Variants in LRRC36 observed in about 807,000 individuals in gnomAD.
LRRC36 encodes leucine-rich repeat-containing protein 36.
In LRRC36, 62 loss-of-function variants were observed where a neutral mutation model predicts 81.1. The observed-to-expected ratio is 0.76, with a 90% CI of 0.62 to 0.94. The LOEUF (loss-of-function observed/expected upper bound fraction) is 0.94, where lower values mean the gene tolerates loss of function less well. Among genes scored for constraint, LRRC36 ranks in the 40% least tolerant of loss-of-function variants. LRRC36 has a pLI of 0.00. For missense variants in LRRC36, 761 were observed against 881.7 expected (o/e 0.86, Z 1.73); for synonymous variants, 334 against 348.6 (o/e 0.96, Z 0.47).
At chr16:67,382,316 T>G (rs2040142940) in intron 13 of LRRC36, 69 bp downstream of exon 13, 1 of 1,161,476 alleles carries the variant, frequency 8.6e-7, no homozygotes, top group African/African-American at 1.5e-5. Context: ...TTTGTTTTGC[T>G]TGGAAAGTTA....
chr16:67,380,952 A>C (rs1372224180), intron 12 of LRRC36, among the ~76,000 whole-genome samples: 5 of 152,326 alleles, frequency 3.3e-5, no homozygotes, highest in Non-Finnish European at 7.4e-5. Context: ...GGCTGGGCAC[A>C]GTGGCTCACG....
At chr16:67,338,865 ATTTTTTTTTTTTTTTTTTTTT>A (rs71145967) in intron 1 of LRRC36, among the ~76,000 whole-genome samples, 24 of 45,404 alleles carry the variant, frequency 5.3e-4, no homozygotes, top group Admixed American at 9.8e-4. Context: ...TGGAAGCTGA[ATTTTTTTTTTTTTTTTTTTTT>A]TTTTTTTTTT....
chr16:67,377,728 G>A (rs951476769), intron 11 of LRRC36, among the ~76,000 whole-genome samples: 20 of 150,498 alleles, frequency 1.3e-4, no homozygotes, highest in African/African-American at 4.2e-4. Flanking sequence ...TCCGCCTCCC[G>A]GGTTCAAGCG....
chr16:67,338,386 G>T (rs1244806527), intron 1 of LRRC36, among the ~76,000 whole-genome samples: 3 of 152,054 alleles, frequency 2.0e-5, no homozygotes, highest in South Asian at 2.1e-4. Context: ...AATTTGTTAT[G>T]ATATATTGTT....
chr16:67,352,748 G>C (rs1359135106), intron 5 of LRRC36, among the ~76,000 whole-genome samples: 1 of 151,700 alleles, frequency 6.6e-6, no homozygotes, highest in Non-Finnish European at 1.5e-5. Flanking sequence ...TGCAAACTCA[G>C]CTCACTGCAA....
At chr16:67,334,310 C>T (rs144041779) in intron 1 of LRRC36, among the ~76,000 whole-genome samples, 5,152 of 148,958 alleles carry the variant, frequency 0.035, 137 homozygotes, top group South Asian at 0.071. Flanking sequence ...TGAGCCACCG[C>T]GCCTGGCCGT....
intron 5 of LRRC36, among the ~76,000 whole-genome samples, chr16:67,362,483 A>G (rs1402370714): frequency 6.6e-6 from 1 of 152,120 alleles, no homozygotes; most frequent in East Asian, 1.9e-4. Flanking sequence ...ATATATACAG[A>G]GCCTAAAGTA....
In LRRC36 at chr16:67,346,380, C is replaced by T. The variant is rs1192285746; in HGVS notation, c.323C>T (p.Pro108Leu). The T allele has an allele frequency of 6.2e-7, 1 of 1,613,310 alleles. No individual in the cohort carries two copies. Among genetic ancestry groups the T allele is most frequent in the Admixed American group, 1.7e-5 (1 of 59,988 alleles). The change falls in exon 3 of 14, where the codon CCT (proline) becomes CTT (leucine). Residue 108 changes from proline to leucine, a missense_variant. This residue lies in a region of LRRC36 where 263 missense variants were observed against 279.3 expected (regional missense o/e 0.94). Coordinates refer to ENST00000329956, the MANE Select transcript of LRRC36 (RefSeq NM_018296.6). Reference sequence around the variant, plus strand: ...AAAGAACTGGATTTGAGACTTAATCCTGTTGTAAGGAAAGATACAGATTAT... The same window carrying T: ...AAAGAACTGGATTTGAGACTTAATCTTGTTGTAAGGAAAGATACAGATTAT... The part of the protein sequence containing the change: ...FLKELDLRLN[P>L]VVRKDTDYRL...
At chr16:67,383,071 C>CAA (rs59297593) in intron 13 of LRRC36, among the ~76,000 whole-genome samples, 544 of 42,832 alleles carry the variant, frequency 0.013, no homozygotes, top group East Asian at 0.035. Context: ...GGCTCCGTCT[C>CAA]AAAAAAAAAA....
At position 67,342,166 on chromosome 16, in the gene LRRC36, C is replaced by T. The variant is rs533555804; in HGVS notation, c.198+82C>T. 3,231 of 992,250 alleles carry T rather than the reference C, an allele frequency of 3.3e-3. 14 individuals are homozygous for T. The highest frequency in any genetic ancestry group is 4.0e-3 in the Non-Finnish European group (2,850 of 712,270). 61.5% of individuals were successfully genotyped at this position (992,250 alleles called of 1,614,324 possible). Reference sequence around the variant, plus strand: ...AGAAATAAGAGATAGATCATGTCATCCTGGGGAATATAAGACCTTCCCTTT... The same window carrying T: ...AGAAATAAGAGATAGATCATGTCATTCTGGGGAATATAAGACCTTCCCTTT... On this transcript the variant is annotated intron_variant, in intron 2 of 13. Coordinates refer to ENST00000329956, the MANE Select transcript of LRRC36 (RefSeq NM_018296.6).
chr16:67,331,743 T>G (rs2037500962), intron 1 of LRRC36, among the ~76,000 whole-genome samples: 1 of 151,944 alleles, frequency 6.6e-6, no homozygotes, highest in Non-Finnish European at 1.5e-5. Flanking sequence ...ATCCCAGCAC[T>G]TTGGGAAGCC....
chr16:67,381,354 A>G (rs2040105049), intron 12 of LRRC36, among the ~76,000 whole-genome samples: 1 of 152,104 alleles, frequency 6.6e-6, no homozygotes, highest in Non-Finnish European at 1.5e-5. Flanking sequence ...AGCTAGGTAT[A>G]AGTGTCTTAG....
chr16:67,357,500 G>C (rs2038954311), intron 5 of LRRC36, among the ~76,000 whole-genome samples: 1 of 152,154 alleles, frequency 6.6e-6, no homozygotes, highest in Non-Finnish European at 1.5e-5. Flanking sequence ...ATGTTTATTT[G>C]AGATTAACAC....
At chr16:67,350,440 C>T in intron 5 of LRRC36, 150 bp downstream of exon 5, 1 of 688,958 alleles carries the variant, frequency 1.5e-6, no homozygotes, top group Non-Finnish European at 2.5e-6. Context: ...CTTCCATCCT[C>T]TCACTGCCAG....
chr16:67,330,374 A>G (rs1365130038), intron 1 of LRRC36, among the ~76,000 whole-genome samples: 2 of 152,186 alleles, frequency 1.3e-5, no homozygotes, highest in African/African-American at 4.8e-5. Flanking sequence ...TTCTATAAAG[A>G]GAAATTTCCT....
chr16:67,347,749 A>G (rs954393753), intron 4 of LRRC36, among the ~76,000 whole-genome samples, 158 bp downstream of exon 4: 3 of 152,246 alleles, frequency 2.0e-5, no homozygotes, highest in Non-Finnish European at 4.4e-5. Flanking sequence ...ACTGAGATTT[A>G]TCTGGGATGA....
intron 8 of LRRC36, 56 bp downstream of exon 8, chr16:67,367,513 A>G (rs2039456039): frequency 6.7e-7 from 1 of 1,482,054 alleles, no homozygotes; most frequent in Non-Finnish European, 9.1e-7. Flanking sequence ...GATAGAAGAT[A>G]TAAGTGAAAA....
intron 1 of LRRC36, among the ~76,000 whole-genome samples, chr16:67,329,516 C>T (rs572002437): frequency 6.7e-6 from 1 of 149,956 alleles, no homozygotes; most frequent in South Asian, 2.2e-4. Context: ...TAGTCTTGAA[C>T]TCCTGACCTC....
chr16:67,351,696 G>A (rs1157096257), intron 5 of LRRC36, among the ~76,000 whole-genome samples: 1 of 152,162 alleles, frequency 6.6e-6, no homozygotes, highest in Non-Finnish European at 1.5e-5. Flanking sequence ...GACAGAGTGA[G>A]ACTCTGTCTC....
Sources: allele counts gnomAD v4.1 joint callset (sites outside exome capture counted in the v4.1 genomes callset), GRCh38; gene constraint gnomAD v4.1.1; regional missense constraint gnomAD v4.1.1; transcripts MANE v1.5; gene names NCBI Gene and HGNC (gene_info 2026-07-23, HGNC 2026-07-21).